HEPACAM2: variants seen among roughly 807,000 people sequenced by gnomAD.
HEPACAM2 encodes the protein mitotic kinetics regulator.
Under a neutral mutation model 49.6 loss-of-function variants are expected in HEPACAM2, and 49 were observed. That is an observed-to-expected ratio of 0.99 (90% CI 0.78 to 1.25). HEPACAM2 has a LOEUF of 1.25. Ranked by LOEUF, HEPACAM2 falls within the 50% of genes most tolerant of loss-of-function variation. The pLI, the probability that HEPACAM2 is intolerant of heterozygous loss-of-function variation, is 0.00. For missense variants in HEPACAM2, 525 were observed against 557.2 expected (o/e 0.94, Z 0.58); for synonymous variants, 197 against 202.9 (o/e 0.97, Z 0.25).
chr7:93,192,674 GAT>G (rs1793585158), intron 8 of HEPACAM2, among the ~76,000 whole-genome samples: 1 of 152,004 alleles, frequency 6.6e-6, no homozygotes, highest in Non-Finnish European at 1.5e-5. Context: ...CAAAAGAGAA[GAT>G]ATCAGGATAT....
chr7:93,188,934 G>T lies in HEPACAM2; in HGVS notation c.*333C>A, dbSNP rs566315200. 7 of 420,538 alleles carry T rather than the reference G, an allele frequency of 1.7e-5. No individual in the cohort carries two copies. The highest frequency in any genetic ancestry group is 4.1e-5 in the Admixed American group (1 of 24,420). 26.1% of individuals were successfully genotyped at this position (420,538 alleles called of 1,614,324 possible). ...CAGTGTTGATGATAGTGAAAGTGTA[G>T]AGTAGAACTAATTGAGGTTTGTAGA... On this transcript the variant is annotated 3_prime_UTR_variant, in exon 10 of 10. Transcript: ENST00000394468.
At chr7:93,223,605 A>G (rs1207119127) in intron 1 of HEPACAM2, among the ~76,000 whole-genome samples, 1 of 152,166 alleles carries the variant, frequency 6.6e-6, no homozygotes, top group Non-Finnish European at 1.5e-5. Context: ...GAATAGGTTC[A>G]GTGCTTTCTT....
At chr7:93,229,587 C>A (rs1159281354), upstream of HEPACAM2, among the ~76,000 whole-genome samples, 1 of 152,144 alleles carries the variant, frequency 6.6e-6, no homozygotes, top group Non-Finnish European at 1.5e-5. Context: ...TACTACTAAT[C>A]CTATTGTTCT....
intron 1 of HEPACAM2, among the ~76,000 whole-genome samples, chr7:93,223,836 G>A (rs1482299548): frequency 6.6e-6 from 1 of 152,110 alleles, no homozygotes; most frequent in Non-Finnish European, 1.5e-5. Flanking sequence ...CATTGGACAT[G>A]AACCTATCAA....
chr7:93,208,480 A>G (rs1019538000), intron 4 of HEPACAM2, 100 bp downstream of exon 4: 4 of 1,006,362 alleles, frequency 4.0e-6, no homozygotes, highest in Non-Finnish European at 2.9e-6. Context: ...GAATAATCCC[A>G]CAATGATTTT....
At chr7:93,211,866 C>T (rs924949530) in intron 3 of HEPACAM2, among the ~76,000 whole-genome samples, 5 of 151,966 alleles carry the variant, frequency 3.3e-5, no homozygotes, top group African/African-American at 7.2e-5. Flanking sequence ...AATGTGGTCA[C>T]GAAAATACAG....
Position 93,208,833 on chromosome 7 carries a change from T to C in HEPACAM2, c.759A>G (p.Lys253=), listed in dbSNP as rs748336348. ...GGTCAACAGTAAACACTTCCCCTACTTTTAGCCCTTTATCAGAATTCACTT... is the reference window on the plus strand; with the variant it reads ...GGTCAACAGTAAACACTTCCCCTACCTTTAGCCCTTTATCAGAATTCACTT... ...GLQVNSDKGL[K]VGEVFTVDLG... is the part of the protein sequence containing the mutation. Residue 253 remains lysine (K), a synonymous_variant, in exon 4 of 10, where the codon AAA becomes AAG. Coordinates refer to ENST00000394468, the MANE Select transcript of HEPACAM2 (RefSeq NM_001039372.4). 6.2e-7 allele frequency: 1 copy of C among 1,611,360 alleles called. No homozygotes were observed. The highest frequency in any genetic ancestry group is 1.1e-5 in the South Asian group (1 of 90,780).
At position 93,219,283 on chromosome 7, in the gene HEPACAM2, G is replaced by C. The variant is rs1794392670; in HGVS notation, c.248C>G (p.Ser83Cys). The C allele has an allele frequency of 1.2e-6, 2 of 1,613,860 alleles. No homozygotes were observed. Among genetic ancestry groups the C allele is most frequent in the Non-Finnish European group, 1.7e-6 (2 of 1,179,966 alleles). ...PHTMPKYLLG[S>C]VNKSVVPDLE... ...GTCAGGAACCACAGACTTATTCACAGAGCCCAGTAAGTATTTGGGCATTGT... is the reference window on the plus strand; with the variant it reads ...GTCAGGAACCACAGACTTATTCACACAGCCCAGTAAGTATTTGGGCATTGT... The change falls in exon 2 of 10, where the codon TCT (serine) becomes TGT (cysteine). Residue 83 changes from serine to cysteine, a missense_variant. Ser to Cys is a moderately radical substitution (Grantham distance 112). Coordinates refer to ENST00000394468, the MANE Select transcript of HEPACAM2 (RefSeq NM_001039372.4).
chr7:93,201,335 A>T (rs1793877532), intron 4 of HEPACAM2, among the ~76,000 whole-genome samples: 1 of 152,060 alleles, frequency 6.6e-6, no homozygotes, highest in South Asian at 2.1e-4. Context: ...AATATATTTC[A>T]GTTTAGATCT....
At chr7:93,203,569 T>C (rs1026570956) in intron 4 of HEPACAM2, among the ~76,000 whole-genome samples, 24 of 152,066 alleles carry the variant, frequency 1.6e-4, no homozygotes, top group African/African-American at 2.4e-5. Flanking sequence ...CATGCCATTC[T>C]CCCCATTATT....
chr7:93,227,028 T>A (rs1794553020), upstream of HEPACAM2, among the ~76,000 whole-genome samples: 1 of 152,224 alleles, frequency 6.6e-6, no homozygotes, highest in African/African-American at 2.4e-5. Context: ...TGATTTCATT[T>A]AATCTTTGAA....
chr7:93,197,366 G>T lies in HEPACAM2; in HGVS notation c.1163+7C>A, dbSNP rs1206172705. The T allele has an allele frequency of 1.9e-6, 3 of 1,599,282 alleles. No homozygotes were observed. In the East Asian group the frequency reaches 6.7e-5, roughly 36 times the overall value. ...AACAACTATTTTCATAGAAACAGATGCATTACCTGCCTTCTAGTTTCTGTT... is the reference window on the plus strand; with the variant it reads ...AACAACTATTTTCATAGAAACAGATTCATTACCTGCCTTCTAGTTTCTGTT... On this transcript the variant is annotated splice_region_variant and intron_variant, in intron 6 of 9. Coordinates refer to ENST00000394468, the MANE Select transcript of HEPACAM2 (RefSeq NM_001039372.4).
intron 8 of HEPACAM2, among the ~76,000 whole-genome samples, chr7:93,195,415 G>A (rs1175942768): frequency 6.6e-6 from 1 of 151,858 alleles, no homozygotes; most frequent in African/African-American, 2.4e-5. Context: ...TTGTTGGGAT[G>A]GGGTCTTTGC....
intron 1 of HEPACAM2, among the ~76,000 whole-genome samples, chr7:93,221,636 C>T (rs1295881568): frequency 6.6e-6 from 1 of 151,986 alleles, no homozygotes; most frequent in Non-Finnish European, 1.5e-5. Flanking sequence ...AGGAAAGAAT[C>T]CAAGAGGAGA....
intron 8 of HEPACAM2, among the ~76,000 whole-genome samples, chr7:93,194,486 A>G (rs976752410): frequency 1.3e-5 from 2 of 152,092 alleles, no homozygotes; most frequent in African/African-American, 4.8e-5. Flanking sequence ...AGGTGAGCCA[A>G]TCCTGCCTGA....
intron 4 of HEPACAM2, among the ~76,000 whole-genome samples, chr7:93,202,128 G>T (rs1793910887): frequency 6.7e-6 from 1 of 148,922 alleles, no homozygotes; most frequent in South Asian, 2.1e-4. Context: ...TAATAGAGTG[G>T]CAAGATTTAA....
At chr7:93,226,570 T>C (rs1400978171), upstream of HEPACAM2, 3 of 706,134 alleles carry the variant, frequency 4.2e-6, no homozygotes, top group African/African-American at 5.3e-5. Flanking sequence ...GAATACAGAA[T>C]GAATGTGTAT....
chr7:93,230,503 T>C (rs1196809143), upstream of HEPACAM2, among the ~76,000 whole-genome samples: 1 of 152,194 alleles, frequency 6.6e-6, no homozygotes, highest in Non-Finnish European at 1.5e-5. Context: ...CCCTAAGATA[T>C]GCTTTTAAAC....
intron 1 of HEPACAM2, chr7:93,225,910 CAG>C (rs1794529751): frequency 7.0e-7 from 1 of 1,432,244 alleles, no homozygotes; most frequent in Non-Finnish European, 9.3e-7. Flanking sequence ...TAAGATGAGA[CAG>C]ATAACTTAAA....
Sources: allele counts gnomAD v4.1 joint callset (sites outside exome capture counted in the v4.1 genomes callset), GRCh38; gene constraint gnomAD v4.1.1; transcripts MANE v1.5; gene names NCBI Gene and HGNC (gene_info 2026-07-23, HGNC 2026-07-21).